Variants in JPT1 observed in about 807,000 individuals in gnomAD.
JPT1 encodes the protein Jupiter microtubule associated homolog 1, also known as androgen-regulated protein 2.
A neutral mutation model predicts 17.0 loss-of-function variants in JPT1; 5 were observed. That is an observed-to-expected ratio of 0.29 (90% CI 0.15 to 0.62). JPT1 has a LOEUF of 0.62. JPT1 is among the 20% of genes least tolerant of loss of function. JPT1 has a pLI of 0.85. For missense variants in JPT1, 158 were observed against 188.1 expected (o/e 0.84, Z 0.94); for synonymous variants, 71 against 73.6 (o/e 0.96, Z 0.18).
rs538690544 is a variant in JPT1, at chr17:75,139,804, T to TCC, written c.317-3555_317-3554insGG. 1.6e-4 allele frequency among the ~76,000 whole-genome samples: 25 copies of TCC among 151,768 alleles called. 1 individual carries two copies. The East Asian group carries it at 3.9e-3, about 24-fold the overall frequency. Reference sequence around the variant, plus strand: ...CAGCACTCCAGCCTGGGCGACAGAGTAAGACTCCGTCTCAAAAATAAATAA... The same window carrying TCC: ...CAGCACTCCAGCCTGGGCGACAGAGTCCAAGACTCCGTCTCAAAAATAAATAA... On this transcript the variant is annotated intron_variant, in intron 4 of 4. Transcript: ENST00000409753.
intron 1 of JPT1, chr17:75,149,271 G>A (rs764651757): frequency 1.5e-5 from 5 of 330,562 alleles, no homozygotes; most frequent in African/African-American, 2.2e-5. Context: ...CAGAAGGATC[G>A]TTTCGGCCGG....
intron 1 of JPT1, chr17:75,152,934 G>T (rs753794195): frequency 6.6e-6 from 1 of 152,088 alleles, no homozygotes; most frequent in African/African-American, 2.4e-5. Context: ...AAACCTGAAA[G>T]TATTGAGTTG....
rs750996747 is a variant in JPT1 at position 75,148,609 on chromosome 17, T to G, written c.119A>C (p.Gln40Pro). 120 of 1,614,074 alleles carry G rather than the reference T, an allele frequency of 7.4e-5. No individual in the cohort carries two copies. Among genetic ancestry groups the G allele is most frequent in the East Asian group, 3.6e-4 (16 of 44,898 alleles). Residue 40 changes from glutamine (Q) to proline (P), a missense_variant, in exon 2 of 5, where the codon CAA becomes CCA. Physicochemically the swap from Gln to Pro is moderately conservative, Grantham distance 76. Coordinates refer to ENST00000409753, the MANE Select transcript of JPT1 (RefSeq NM_016185.4). ...GGCCATTTTGTTCTTCCTCACAGGT[T>G]GTTCTGTTGGTTCATCAAAACCTAA... ...FSLGFDEPTE[Q>P]PVRKNKMASN...
At chr17:75,152,763 A>G (rs2074574183) in intron 1 of JPT1, 1 of 152,214 alleles carries the variant, frequency 6.6e-6, no homozygotes, top group Non-Finnish European at 1.5e-5. Flanking sequence ...AAAATGAAAA[A>G]CCAAGGCTCA....
intron 1 of JPT1, among the ~76,000 whole-genome samples, chr17:75,152,728 C>T (rs1479751410): frequency 6.6e-6 from 1 of 152,104 alleles, no homozygotes; most frequent in East Asian, 1.9e-4. Context: ...GAAGTCTAAC[C>T]GGCAGAAAGT....
In JPT1 at chr17:75,154,485, G is replaced by C; in HGVS notation, c.-88C>G. The C allele has an allele frequency of 2.4e-6, 3 of 1,258,438 alleles. No homozygotes were observed. The highest frequency in any genetic ancestry group is 2.2e-4 in the Middle Eastern group (1 of 4,600). 78.0% of individuals were successfully genotyped at this position (1,258,438 alleles called of 1,614,324 possible). A position where few individuals can be genotyped will look rare whatever the true frequency, so the allele number is the denominator to read the frequency against. ...GCGCTGGGAAACTCCACACCCAACA[G>C]CCGACCACCGCTGCAGGAGCCGCCG... On this transcript the variant is annotated 5_prime_UTR_variant, in exon 1 of 5. Coordinates refer to ENST00000409753, the MANE Select transcript of JPT1 (RefSeq NM_016185.4).
intron 1 of JPT1, among the ~76,000 whole-genome samples, chr17:75,151,666 AT>A (rs1302585939): frequency 4.6e-5 from 7 of 152,022 alleles, no homozygotes; most frequent in East Asian, 3.9e-4. Flanking sequence ...TCTCAAAAAA[AT>A]AAATTAATTA....
At chr17:75,149,862 T>TACACCACTTAC (rs1555652225) in intron 1 of JPT1, among the ~76,000 whole-genome samples, 4 of 147,492 alleles carry the variant, frequency 2.7e-5, no homozygotes, top group Non-Finnish European at 6.0e-5. Flanking sequence ...CTTACACACT[T>TACACCACTTAC]ACACACACAC....
Position 75,154,493 on chromosome 17 carries a change from C to A in JPT1, c.-96G>T. The A allele has an allele frequency of 8.4e-7, 1 of 1,184,832 alleles. No homozygotes were observed. The highest frequency in any genetic ancestry group is 1.2e-6 in the Non-Finnish European group (1 of 848,278). The allele number at this position is 1,184,832 out of a possible 1,614,324, so 73.4% of individuals were successfully genotyped here. Reference sequence around the variant, plus strand: ...AAACTCCACACCCAACAGCCGACCACCGCTGCAGGAGCCGCCGCTGCCGCC... The same window carrying A: ...AAACTCCACACCCAACAGCCGACCAACGCTGCAGGAGCCGCCGCTGCCGCC... On this transcript the variant is annotated 5_prime_UTR_variant, in exon 1 of 5. Transcript: ENST00000409753.
intron 4 of JPT1, among the ~76,000 whole-genome samples, chr17:75,143,939 C>T (rs1449608173): frequency 6.6e-6 from 1 of 152,072 alleles, no homozygotes; most frequent in Non-Finnish European, 1.5e-5. Context: ...AGGAAGACTG[C>T]TTGAGTCCAG....
chr17:75,136,277 A>G (rs765839184), intron 4 of JPT1, 27 bp from the exon 5 acceptor site: 1 of 1,525,222 alleles, frequency 6.6e-7, no homozygotes, highest in Non-Finnish European at 8.8e-7. Context: ...TAGAAATAAT[A>G]CTCATAATGA....
In JPT1 at chr17:75,136,110, A is replaced by G; in HGVS notation, c.457T>C (p.Leu153=). The G allele has an allele frequency of 3.1e-6, 5 of 1,614,230 alleles. No individual in the cohort carries two copies. The highest frequency in any genetic ancestry group is 4.2e-6 in the Non-Finnish European group (5 of 1,180,040). Residue 153 remains leucine, a synonymous_variant, in exon 5 of 5, where the codon TTG becomes CTG. Transcript: ENST00000409753. ...GTTCAGGACAGTCAGAGCTAACCCA[A>G]GACGAGGCTGGACTTGCCGCCAGGG... The part of the protein sequence containing the change: ...NPPGGKSSLV[L]G
At chr17:75,148,490 C>T in intron 2 of JPT1, 39 bp downstream of exon 2, 1 of 1,608,578 alleles carries the variant, frequency 6.2e-7, no homozygotes, top group Non-Finnish European at 8.5e-7. Flanking sequence ...TGATGCTGGG[C>T]CCATCCCTTT....
At chr17:75,154,108 C>A in intron 1 of JPT1, 1 of 249,334 alleles carries the variant, frequency 4.0e-6, no homozygotes, top group East Asian at 8.7e-5. Context: ...CCTCCTCAGC[C>A]CCTGACTCCG....
intron 1 of JPT1, among the ~76,000 whole-genome samples, chr17:75,150,775 C>T (rs1006859474): frequency 3.3e-5 from 5 of 151,546 alleles, no homozygotes; most frequent in Non-Finnish European, 5.9e-5. Flanking sequence ...TGATTCAATT[C>T]CTTTACTGGT....
intron 4 of JPT1, among the ~76,000 whole-genome samples, chr17:75,137,685 CTTT>C (rs60118585): frequency 1.8e-5 from 2 of 112,844 alleles, no homozygotes; most frequent in African/African-American, 4.8e-5. Flanking sequence ...CCTAGTTTTC[CTTT>C]TTTTTTTTTT....
At chr17:75,139,912 T>C (rs553221364) in intron 4 of JPT1, among the ~76,000 whole-genome samples, 5 of 152,240 alleles carry the variant, frequency 3.3e-5, no homozygotes, top group African/African-American at 9.6e-5. Context: ...AGTACAGGAA[T>C]TGAGAGTAAG....
At chr17:75,141,535 C>T (rs1298753903) in intron 4 of JPT1, among the ~76,000 whole-genome samples, 2 of 151,880 alleles carry the variant, frequency 1.3e-5, no homozygotes, top group African/African-American at 2.4e-5. Context: ...TGCCTGTAGT[C>T]CCAGCTACTC....
chr17:75,147,668 A>T lies in JPT1; in HGVS notation c.200-15T>A, dbSNP rs1483031211. ...AGACTTGGCACCTAAAAATCAAAAT[A>T]TACTTTCTTCAGAAATACAATAGAA... On this transcript the variant is annotated splice_polypyrimidine_tract_variant and intron_variant, in intron 2 of 4. Coordinates refer to ENST00000409753, the MANE Select transcript of JPT1 (RefSeq NM_016185.4). 1 of 1,592,212 alleles carries T rather than the reference A, an allele frequency of 6.3e-7. No individual in the cohort carries two copies. The highest frequency in any genetic ancestry group is 1.1e-5 in the South Asian group (1 of 90,662).
Sources: gnomAD v4.1 joint callset for allele counts (sites outside exome capture counted in the v4.1 genomes callset) on GRCh38, gnomAD v4.1.1 for gene constraint, MANE v1.5 for transcripts, NCBI Gene and HGNC (gene_info 2026-07-23, HGNC 2026-07-21) for gene names.